USP31: variants seen among roughly 807,000 people sequenced by gnomAD.
USP31 encodes ubiquitin carboxyl-terminal hydrolase 31.
Under a neutral mutation model 119.4 loss-of-function variants are expected in USP31, and 44 were observed. That is an observed-to-expected ratio of 0.37 (90% CI 0.29 to 0.47). The LOEUF is 0.47. Ranked by LOEUF, USP31 falls within the 20% of genes least tolerant of loss-of-function variation. USP31 has a pLI of 0.99. For synonymous variants in USP31, 749 were observed against 705.6 expected (o/e 1.06, Z -0.97); for missense variants, 1,643 against 1,730.2 (o/e 0.95, Z 0.89).
At chr16:23,094,282 C>A (rs1418005293) in intron 6 of USP31, among the ~76,000 whole-genome samples, 2 of 152,188 alleles carry the variant, frequency 1.3e-5, no homozygotes, top group Non-Finnish European at 2.9e-5. Context: ...GAGGTGGCAG[C>A]CTGGCTGGGG....
At chr16:23,117,338 T>C (rs934961357) in intron 1 of USP31, among the ~76,000 whole-genome samples, 1 of 152,220 alleles carries the variant, frequency 6.6e-6, no homozygotes, top group Non-Finnish European at 1.5e-5. Flanking sequence ...AGCAAATTCA[T>C]ATGTACCACA....
At chr16:23,130,887 G>GTAGT in intron 1 of USP31, among the ~76,000 whole-genome samples, 1 of 152,184 alleles carries the variant, frequency 6.6e-6, no homozygotes, top group African/African-American at 2.4e-5. Context: ...GTGCTATGGG[G>GTAGT]TAGTTAGTTC....
rs547847517 is a variant in USP31 at position 23,135,258 on chromosome 16, G to T, written c.633+13380C>A. Among the ~76,000 whole-genome samples, 18 of 151,596 alleles carry T rather than the reference G, an allele frequency of 1.2e-4. No homozygotes were observed. The South Asian group carries it at 3.7e-3, about 32-fold the overall frequency. On this transcript the variant is annotated intron_variant, in intron 1 of 15. Coordinates refer to ENST00000219689, the MANE Select transcript of USP31 (RefSeq NM_020718.4). ...CATACTGAATGGTCAAAGACTAAAAGCTTTTCCTCTAAGCTCAAGAAACAA... is the reference window on the plus strand; with the variant it reads ...CATACTGAATGGTCAAAGACTAAAATCTTTTCCTCTAAGCTCAAGAAACAA...
chr16:23,140,387 A>T (rs1360693762), intron 1 of USP31, among the ~76,000 whole-genome samples: 1 of 152,118 alleles, frequency 6.6e-6, no homozygotes, highest in African/African-American at 2.4e-5. Flanking sequence ...AAGGCCAGGG[A>T]TTCTGCTAAA....
intron 4 of USP31, among the ~76,000 whole-genome samples, chr16:23,105,795 T>C (rs1427896040): frequency 1.3e-5 from 2 of 152,094 alleles, no homozygotes; most frequent in Non-Finnish European, 2.9e-5. Context: ...GAACATTCTA[T>C]GAAGCAAACA....
At chr16:23,106,637 C>A (rs1282404325) in intron 2 of USP31, 150 bp from the exon 3 acceptor site, 5 of 741,956 alleles carry the variant, frequency 6.7e-6, no homozygotes, top group Non-Finnish European at 1.1e-5. Flanking sequence ...CTAAAGGAGC[C>A]AGAACACAGC....
rs151219972 is a variant in USP31 at position 23,068,924 on chromosome 16, G to A, written c.3181C>T (p.Pro1061Ser). Residue 1061 changes from proline to serine, a missense_variant, in exon 16 of 16, where the codon CCT becomes TCT. By Grantham distance (74) the Pro-to-Ser change is moderately conservative. This residue lies in a region of USP31 where 699 missense variants were observed against 650.9 expected (regional missense o/e 1.07). Coordinates refer to ENST00000219689, the MANE Select transcript of USP31 (RefSeq NM_020718.4). ...TTTAGAGAGACTTTTACAGGAAGAGGAGAAGAAGGGGATGTACTTGAAAGG... is the reference window on the plus strand; with the variant it reads ...TTTAGAGAGACTTTTACAGGAAGAGAAGAAGAAGGGGATGTACTTGAAAGG... Reference protein sequence around the residue: ...SSLSSTSPSSPLPVKVSLKPS... With the variant: ...SSLSSTSPSSSLPVKVSLKPS... 1.6e-5 allele frequency: 25 copies of A among 1,611,452 alleles called. No homozygotes were observed. The Admixed American group carries it at 1.7e-4, about 11-fold the overall frequency.
At chr16:23,130,231 T>C (rs981050427) in intron 1 of USP31, among the ~76,000 whole-genome samples, 1 of 152,172 alleles carries the variant, frequency 6.6e-6, no homozygotes, top group Non-Finnish European at 1.5e-5. Context: ...ATGGCAATTT[T>C]TGAAAAGGAA....
chr16:23,105,108 A>T (rs1033811199), intron 5 of USP31, among the ~76,000 whole-genome samples: 3 of 152,248 alleles, frequency 2.0e-5, no homozygotes, highest in African/African-American at 7.2e-5. Flanking sequence ...TGACTATCTC[A>T]AACACTGCGA....
intron 1 of USP31, 136 bp downstream of exon 1, chr16:23,148,502 T>A (rs1314423951): frequency 5.7e-6 from 7 of 1,219,138 alleles, no homozygotes; most frequent in Non-Finnish European, 7.4e-6. Context: ...AAATCACTGG[T>A]CGACTGCCCA....
intron 11 of USP31, 108 bp from the exon 12 acceptor site, chr16:23,082,665 A>C (rs1369005448): frequency 6.9e-7 from 1 of 1,454,220 alleles, no homozygotes; most frequent in Non-Finnish European, 9.4e-7. Flanking sequence ...TCTCTCTGTA[A>C]ACCGCAGATG....
Position 23,072,120 on chromosome 16 carries a change from C to T in USP31, c.2413G>A (p.Ala805Thr), listed in dbSNP as rs116689496. Residue 805 changes from alanine to threonine, a missense_variant, in exon 15 of 16, where the codon GCT becomes ACT. Coordinates refer to ENST00000219689, the MANE Select transcript of USP31 (RefSeq NM_020718.4). ...GCCAGGGAGGTGCGTCTGGAGGAAG[C>T]TGCAGAGGTCACGCTGGCTGGCTTG... ...GSKPASVTSA[A>T]SSRRTSLASL... 108 of 1,613,330 alleles carry T rather than the reference C, an allele frequency of 6.7e-5. No homozygotes were observed. Among genetic ancestry groups the T allele is most frequent in the Non-Finnish European group, 8.6e-5 (102 of 1,180,028 alleles).
chr16:23,134,418 G>C (rs1567247491), intron 1 of USP31, among the ~76,000 whole-genome samples: 1 of 152,058 alleles, frequency 6.6e-6, no homozygotes, highest in African/African-American at 2.4e-5. Context: ...TCTCTCATTT[G>C]TTTTCAAAAC....
chr16:23,146,949 T>C (rs1903527673), intron 1 of USP31, among the ~76,000 whole-genome samples: 1 of 148,830 alleles, frequency 6.7e-6, no homozygotes. Context: ...GCTTCTAGAC[T>C]TGAAGCTTGT....
At chr16:23,107,089 G>A (rs535734691) in intron 2 of USP31, among the ~76,000 whole-genome samples, 8 of 150,698 alleles carry the variant, frequency 5.3e-5, no homozygotes, top group Non-Finnish European at 1.0e-4. Flanking sequence ...TTCAGCCTGG[G>A]CAACAAGAGC....
At chr16:23,137,730 T>G (rs953638256) in intron 1 of USP31, among the ~76,000 whole-genome samples, 3 of 150,654 alleles carry the variant, frequency 2.0e-5, no homozygotes, top group East Asian at 2.0e-4. Context: ...AAATGTATCC[T>G]AAAGAAACAA....
chr16:23,115,858 C>T, intron 1 of USP31: 1 of 903,484 alleles, frequency 1.1e-6, no homozygotes, highest in Non-Finnish European at 1.3e-6. Context: ...GAGTTGGAAA[C>T]ATGGGTCAGA....
At chr16:23,128,665 C>CA (rs2141894036) in intron 1 of USP31, among the ~76,000 whole-genome samples, 1 of 152,254 alleles carries the variant, frequency 6.6e-6, no homozygotes, top group South Asian at 2.1e-4. Context: ...ATAATTTCAC[C>CA]ACTTTCAACC....
intron 1 of USP31, among the ~76,000 whole-genome samples, chr16:23,132,776 C>A (rs1341271144): frequency 6.6e-6 from 1 of 152,128 alleles, no homozygotes; most frequent in African/African-American, 2.4e-5. Flanking sequence ...TATGACCCAA[C>A]CAAAACGAAA....
Sources: allele counts gnomAD v4.1 joint callset (sites outside exome capture counted in the v4.1 genomes callset), GRCh38; gene constraint gnomAD v4.1.1; regional missense constraint gnomAD v4.1.1; transcripts MANE v1.5; gene names NCBI Gene and HGNC (gene_info 2026-07-23, HGNC 2026-07-21).